Variants in STAU1 observed in about 807,000 individuals in gnomAD.
The protein encoded by STAU1 is double-stranded RNA-binding protein Staufen homolog 1.
A neutral mutation model predicts 62.9 loss-of-function variants in STAU1; 13 were observed. The ratio of observed to expected loss-of-function variants is 0.21; its 90% CI spans 0.13 to 0.33. The LOEUF (loss-of-function observed/expected upper bound fraction) is 0.33, where lower values mean the gene tolerates loss of function less well. STAU1 is among the 10% of genes least tolerant of loss of function. STAU1 has a pLI of 1.00. For missense variants in STAU1, 571 were observed against 712.1 expected (o/e 0.80, Z 2.25); for synonymous variants, 269 against 265.1 (o/e 1.01, Z -0.14).
the STAU1 span, among the ~76,000 whole-genome samples, chr20:49,216,004 T>A: frequency 6.8e-5 from 2 of 29,302 alleles, no homozygotes; most frequent in Admixed American, 1.1e-3. Context: ...CAAGACTATG[T>A]CTCAAAAAAA....
At chr20:49,206,975 T>TGATTTTCTG in the STAU1 span, among the ~76,000 whole-genome samples, 1 of 151,380 alleles carries the variant, frequency 6.6e-6, no homozygotes, top group African/African-American at 2.4e-5. Flanking sequence ...AGGATAGTCT[T>TGATTTTCTG]GATTTTCTGA....
intron 6 of STAU1, among the ~76,000 whole-genome samples, chr20:49,134,202 T>G (rs572423583): frequency 4.2e-4 from 64 of 152,036 alleles, no homozygotes; most frequent in African/African-American, 1.5e-3. Flanking sequence ...GAGGCCGAGA[T>G]GGGTGGATCA....
chr20:49,217,575 A>G, the STAU1 span, among the ~76,000 whole-genome samples: 1 of 151,798 alleles, frequency 6.6e-6, no homozygotes, highest in Non-Finnish European at 1.5e-5. Context: ...TTTTATAAAT[A>G]ACTAGGAAGT....
intron 5 of STAU1, among the ~76,000 whole-genome samples, chr20:49,147,604 C>T (rs750641997): frequency 6.6e-6 from 1 of 152,220 alleles, no homozygotes; most frequent in Non-Finnish European, 1.5e-5. Flanking sequence ...CCCGCTGGTT[C>T]AGCAATTCCA....
upstream of STAU1, among the ~76,000 whole-genome samples, chr20:49,190,576 A>C (rs146260673): frequency 6.6e-6 from 1 of 152,222 alleles, no homozygotes; most frequent in African/African-American, 2.4e-5. Flanking sequence ...CTTCCAAAGT[A>C]CTGGGGGGAT....
chr20:49,181,763 C>CAAAAAAAAAAAAAAAAAAAA lies in STAU1; in HGVS notation c.-160+6352_-160+6353insTTTTTTTTTTTTTTTTTTTT, dbSNP rs1309573018. Among the ~76,000 whole-genome samples the CAAAAAAAAAAAAAAAAAAAA allele has an allele frequency of 3.0e-5, 2 of 66,698 alleles. 1 individual carries two copies. The highest frequency in any genetic ancestry group is 1.2e-4 in the African/African-American group (2 of 16,974). The allele number at this position is 66,698 out of a possible 152,430, so 43.8% of individuals were successfully genotyped here. A position where few individuals can be genotyped will look rare whatever the true frequency, so the allele number is the denominator to read the frequency against. On this transcript the variant is annotated intron_variant, in intron 1 of 13. Coordinates refer to ENST00000371856, the MANE Select transcript of STAU1 (RefSeq NM_017453.4). ...CCTGGGCAACAGAGCAAGACTATCTCAACAAAAAAAAAAAAAAAAAAAAAA... is the reference window on the plus strand; with the variant it reads ...CCTGGGCAACAGAGCAAGACTATCTCAAAAAAAAAAAAAAAAAAAAAACAAAAAAAAAAAAAAAAAAAAAA...
chr20:49,145,778 G>A (rs2093118575), intron 5 of STAU1, among the ~76,000 whole-genome samples: 1 of 151,864 alleles, frequency 6.6e-6, no homozygotes, highest in Admixed American at 6.6e-5. Context: ...CATGCCTGCA[G>A]TCCCAGATAA....
At position 49,161,027 on chromosome 20, in the gene STAU1, A is replaced by G. The variant is rs191201792; in HGVS notation, c.205+4970T>C. Among the ~76,000 whole-genome samples, 4 of 152,214 alleles carry G rather than the reference A, an allele frequency of 2.6e-5. No homozygotes were observed. The East Asian group carries it at 7.7e-4, about 29-fold the overall frequency. On this transcript the variant is annotated intron_variant, in intron 3 of 13. Transcript: ENST00000371856. ...ACCATACACTATTTGGAGTTTTAAAAGCAAAATATGGCCAGGCGGGGTGGC... is the reference window on the plus strand; with the variant it reads ...ACCATACACTATTTGGAGTTTTAAAGGCAAAATATGGCCAGGCGGGGTGGC...
chr20:49,116,573 A>C (rs982861175), intron 12 of STAU1, among the ~76,000 whole-genome samples: 2 of 152,060 alleles, frequency 1.3e-5, no homozygotes, highest in African/African-American at 2.4e-5. Context: ...TCCTGAGCTC[A>C]GGTGATCCGC....
chr20:49,124,125 G>A (rs1438698668), intron 7 of STAU1, among the ~76,000 whole-genome samples: 1 of 152,168 alleles, frequency 6.6e-6, no homozygotes, highest in African/African-American at 2.4e-5. Flanking sequence ...CACTGTGATC[G>A]CCAGGGCTGT....
chr20:49,200,283 G>T, the STAU1 span, among the ~76,000 whole-genome samples: 196 of 152,226 alleles, frequency 1.3e-3, no homozygotes, highest in African/African-American at 4.4e-3. Context: ...TTTGTAAAAT[G>T]GAATCCAACT....
At chr20:49,197,195 C>G in the STAU1 span, among the ~76,000 whole-genome samples, 2 of 149,540 alleles carry the variant, frequency 1.3e-5, no homozygotes, top group East Asian at 4.0e-4. Context: ...CATCAATGTC[C>G]ATCAACCTAA....
At chr20:49,156,507 C>T (rs2146288138) in intron 3 of STAU1, among the ~76,000 whole-genome samples, 1 of 152,238 alleles carries the variant, frequency 6.6e-6, no homozygotes, top group East Asian at 1.9e-4. Context: ...TTGGCCCATG[C>T]ATAAGACCTG....
At chr20:49,150,434 T>A (rs1012706378) in intron 5 of STAU1, among the ~76,000 whole-genome samples, 11 of 152,020 alleles carry the variant, frequency 7.2e-5, no homozygotes, top group Non-Finnish European at 1.5e-4. Context: ...CAATCTCGGC[T>A]CACCGCAAGC....
At chr20:49,135,214 A>G (rs538540119) in intron 6 of STAU1, among the ~76,000 whole-genome samples, 7 of 152,394 alleles carry the variant, frequency 4.6e-5, no homozygotes, top group East Asian at 1.9e-4. Flanking sequence ...TTTCTGCAGC[A>G]TTAAGCTGGC....
In STAU1 at chr20:49,130,310, GGA is replaced by G. The variant is rs1325538080; in HGVS notation, c.609+5521_609+5522del. Among the ~76,000 whole-genome samples, 4 of 152,312 alleles carry G rather than the reference GGA, an allele frequency of 2.6e-5. No homozygotes were observed. The East Asian group carries it at 7.7e-4, about 29-fold the overall frequency. On this transcript the variant is annotated intron_variant, in intron 6 of 13. Transcript: ENST00000371856. The stretch of plus-strand genomic sequence containing the variant: ...GCTTGCCAGAGCCTGAGGACAGAGG[GGA>G]GAGACTGACTGCAAAGGGACACAGG...
intron 9 of STAU1, 61 bp from the exon 10 acceptor site, chr20:49,118,469 G>T: frequency 7.7e-7 from 1 of 1,304,762 alleles, no homozygotes; most frequent in Non-Finnish European, 1.1e-6. Flanking sequence ...TGAAAAATTA[G>T]CTCCTGCTGT....
intron 13 of STAU1, among the ~76,000 whole-genome samples, chr20:49,115,451 C>A (rs964470542): frequency 2.0e-5 from 3 of 152,094 alleles, no homozygotes; most frequent in African/African-American, 4.8e-5. Flanking sequence ...CAGGTGCCTG[C>A]CACCACACCT....
chr20:49,193,413 C>T, the STAU1 span, among the ~76,000 whole-genome samples: 1 of 152,134 alleles, frequency 6.6e-6, no homozygotes, highest in Non-Finnish European at 1.5e-5. Context: ...TAGCTCACAC[C>T]TGTAATCCGA....
Sources: allele counts gnomAD v4.1 joint callset (sites outside exome capture counted in the v4.1 genomes callset), GRCh38; gene constraint gnomAD v4.1.1; transcripts MANE v1.5; gene names NCBI Gene and HGNC (gene_info 2026-07-23, HGNC 2026-07-21).